The following NOL10 variants were observed in gnomAD, a reference collection of about 807,000 sequenced individuals.
The protein encoded by NOL10 is H_NH0074G24.1.
Under a neutral mutation model 103.5 loss-of-function variants are expected in NOL10, and 58 were observed. The observed-to-expected ratio is 0.56, with a 90% CI of 0.45 to 0.70. The LOEUF (loss-of-function observed/expected upper bound fraction) is 0.70. Among genes scored for constraint, NOL10 ranks in the 30% least tolerant of loss-of-function variants. The pLI is 0.00. For synonymous variants in NOL10, 287 were observed against 282.5 expected (o/e 1.02, Z -0.16); for missense variants, 763 against 807.3 (o/e 0.95, Z 0.67).
intron 13 of NOL10, among the ~76,000 whole-genome samples, chr2:10,626,187 T>A (rs912555336): frequency 2.6e-5 from 4 of 151,820 alleles, no homozygotes; most frequent in African/African-American, 9.7e-5. Flanking sequence ...TCTCAAAAAA[T>A]AATAATAAAT....
At chr2:10,631,927 T>C (rs1207686983) in intron 13 of NOL10, among the ~76,000 whole-genome samples, 2 of 152,344 alleles carry the variant, frequency 1.3e-5, no homozygotes, top group Non-Finnish European at 2.9e-5. Context: ...TTGGTCAGGC[T>C]GGTCTCAAAC....
intron 13 of NOL10, among the ~76,000 whole-genome samples, chr2:10,634,378 A>G (rs772223321): frequency 6.6e-6 from 1 of 152,208 alleles, no homozygotes; most frequent in Non-Finnish European, 1.5e-5. Context: ...CTAAGCCTAG[A>G]CAGCCGAGTG....
At chr2:10,572,583 C>T (rs550613146) in intron 20 of NOL10, among the ~76,000 whole-genome samples, 1 of 152,296 alleles carries the variant, frequency 6.6e-6, no homozygotes, top group East Asian at 1.9e-4. Flanking sequence ...AGAGTGTCCA[C>T]TTCCTTTTAG....
At chr2:10,652,200 A>G (rs1285869079) in intron 12 of NOL10, among the ~76,000 whole-genome samples, 1 of 151,520 alleles carries the variant, frequency 6.6e-6, no homozygotes, top group African/African-American at 2.4e-5. Context: ...AGATTGCGCC[A>G]CTGCACTCCA....
intron 9 of NOL10, 100 bp from the exon 10 acceptor site, chr2:10,659,350 G>GT: frequency 2.1e-6 from 1 of 470,198 alleles, no homozygotes; most frequent in South Asian, 1.8e-5. Flanking sequence ...ATGGGGGGGG[G>GT]GGGGAGGAAT....
At chr2:10,685,089 T>C (rs1682058504) in intron 1 of NOL10, among the ~76,000 whole-genome samples, 1 of 152,192 alleles carries the variant, frequency 6.6e-6, no homozygotes, top group Non-Finnish European at 1.5e-5. Flanking sequence ...GCCTCAAATA[T>C]TATGGGTTAT....
At chr2:10,665,958 G>A (rs1416087864) in intron 8 of NOL10, among the ~76,000 whole-genome samples, 3 of 152,146 alleles carry the variant, frequency 2.0e-5, no homozygotes, top group South Asian at 2.1e-4. Context: ...ATAATGCTGA[G>A]GTTTGCAGTG....
Position 10,671,630 on chromosome 2 carries a change from T to C in NOL10, c.388A>G (p.Lys130Glu). Residue 130 changes from lysine to glutamate, a missense_variant, in exon 6 of 21, where the codon AAA becomes GAA. Coordinates refer to ENST00000381685, the MANE Select transcript of NOL10 (RefSeq NM_024894.4). ...EFHSQSGFYY[K>E]TRIPKFGRDF... ...CTCCCAAACTTTGGTATTCTGGTTT[T>C]GTAGTAAAAACCTGATTGCGAATGA... 1 of 1,594,378 alleles carries C rather than the reference T, an allele frequency of 6.3e-7. No homozygotes were observed. Among genetic ancestry groups the C allele is most frequent in the South Asian group, 1.1e-5 (1 of 87,914 alleles).
intron 13 of NOL10, among the ~76,000 whole-genome samples, chr2:10,625,713 A>ACC (rs1265523674): frequency 6.6e-6 from 1 of 151,416 alleles, no homozygotes; most frequent in Non-Finnish European, 1.5e-5. Context: ...CTTTACCTCC[A>ACC]CCCCACCCCC....
At chr2:10,688,898 C>T (rs1682409067) in intron 1 of NOL10, among the ~76,000 whole-genome samples, 1 of 152,202 alleles carries the variant, frequency 6.6e-6, no homozygotes, top group South Asian at 2.1e-4. Context: ...TAAGCACTGG[C>T]TCCAAATTTT....
At chr2:10,580,730 C>T (rs1465130188) in intron 19 of NOL10, among the ~76,000 whole-genome samples, 1 of 151,984 alleles carries the variant, frequency 6.6e-6, no homozygotes, top group African/African-American at 2.4e-5. Context: ...TTTTAAAATA[C>T]GAACACACGC....
intron 8 of NOL10, among the ~76,000 whole-genome samples, chr2:10,666,822 T>G (rs55674834): frequency 2.6e-5 from 4 of 151,966 alleles, no homozygotes; most frequent in Non-Finnish European, 5.9e-5. Flanking sequence ...GAAAAAAAAT[T>G]TGAAAGGATA....
intron 14 of NOL10, among the ~76,000 whole-genome samples, chr2:10,605,441 G>A (rs1183088355): frequency 1.3e-5 from 2 of 152,102 alleles, no homozygotes; most frequent in Non-Finnish European, 2.9e-5. Flanking sequence ...ATGGGGAAAT[G>A]ATAAAAGCTC....
intron 19 of NOL10, among the ~76,000 whole-genome samples, chr2:10,586,146 A>T (rs1384957483): frequency 6.6e-6 from 1 of 152,268 alleles, no homozygotes; most frequent in Non-Finnish European, 1.5e-5. Flanking sequence ...GTGACTGCCC[A>T]TAAGGCGTGG....
chr2:10,672,896 G>A (rs950228711), intron 5 of NOL10, among the ~76,000 whole-genome samples: 5 of 152,126 alleles, frequency 3.3e-5, no homozygotes, highest in African/African-American at 7.2e-5. Flanking sequence ...AGGAGGCAGA[G>A]GCAGGAGAAT....
At chr2:10,598,329 C>T (rs1366859313) in intron 17 of NOL10, among the ~76,000 whole-genome samples, 1 of 152,110 alleles carries the variant, frequency 6.6e-6, no homozygotes, top group African/African-American at 2.4e-5. Context: ...TCTTCAGATA[C>T]CGAAGACAAA....
At position 10,657,741 on chromosome 2, in the gene NOL10, C is replaced by T. The variant is rs971795639; in HGVS notation, c.906+1G>A. The T allele has an allele frequency of 4.5e-6, 7 of 1,548,468 alleles. No individual in the cohort carries two copies. Among genetic ancestry groups the T allele is most frequent in the Non-Finnish European group, 5.2e-6 (6 of 1,145,716 alleles). ...AAGTAATTTCAACCAAAAATACATACGGAGTTCTTATTCCACATCTTGACA... is the reference window on the plus strand; with the variant it reads ...AAGTAATTTCAACCAAAAATACATATGGAGTTCTTATTCCACATCTTGACA... On this transcript the variant is annotated splice_donor_variant, in intron 11 of 20. Coordinates refer to ENST00000381685, the MANE Select transcript of NOL10 (RefSeq NM_024894.4). LOFTEE classifies it high-confidence loss of function.
In NOL10 at chr2:10,604,353, G is replaced by C. The variant is rs141064410; in HGVS notation, c.1154-1196C>G. Among the ~76,000 whole-genome samples the C allele has an allele frequency of 3.3e-3, 499 of 152,142 alleles. 5 individuals carry two copies. The highest frequency in any genetic ancestry group is 0.017 in the Middle Eastern group (5 of 294). On this transcript the variant is annotated intron_variant, in intron 14 of 20. Coordinates refer to ENST00000381685, the MANE Select transcript of NOL10 (RefSeq NM_024894.4). ...CATCTAGACCTGAAAATCAAGTACT[G>C]AGCAAAATCATACAGTAGTATAAAA... is the stretch of plus-strand genomic sequence containing the variant.
At chr2:10,632,584 C>A (rs1677920068) in intron 13 of NOL10, among the ~76,000 whole-genome samples, 1 of 152,128 alleles carries the variant, frequency 6.6e-6, no homozygotes, top group Admixed American at 6.5e-5. Flanking sequence ...TATAGACATG[C>A]AAATGAATTA....
Sources: allele counts gnomAD v4.1 joint callset (sites outside exome capture counted in the v4.1 genomes callset), GRCh38; gene constraint gnomAD v4.1.1; transcripts MANE v1.5; gene names NCBI Gene and HGNC (gene_info 2026-07-23, HGNC 2026-07-21).